Variants in TNR observed in about 807,000 individuals in gnomAD.
The protein encoded by TNR is tenascin R, also known as tenascin-R.
Under a neutral mutation model 150.4 loss-of-function variants are expected in TNR, and 45 were observed. That is an observed-to-expected ratio of 0.30 (90% CI 0.24 to 0.38). TNR has a LOEUF of 0.38. Ranked by LOEUF, TNR falls within the 10% of genes least tolerant of loss-of-function variation. The probability of loss-of-function intolerance (pLI) is 1.00; values close to 1 mark genes in which losing one functional copy is unlikely to be tolerated. For synonymous variants in TNR, 687 were observed against 678.4 expected (o/e 1.01, Z -0.20); for missense variants, 1,544 against 1,759.1 (o/e 0.88, Z 2.19).
intron 1 of TNR, among the ~76,000 whole-genome samples, chr1:175,731,737 G>C (rs946638079): frequency 6.6e-6 from 1 of 152,152 alleles, no homozygotes; most frequent in African/African-American, 2.4e-5. Context: ...TCCAAGACTG[G>C]CATGGGTTCT....
At chr1:175,673,222 C>T (rs1277292662) in intron 1 of TNR, among the ~76,000 whole-genome samples, 4 of 152,112 alleles carry the variant, frequency 2.6e-5, no homozygotes, top group Admixed American at 6.6e-5. Context: ...TTCTCAAGCC[C>T]GAGCCTGCAC....
At chr1:175,521,972 T>C (rs1659657293) in intron 2 of TNR, among the ~76,000 whole-genome samples, 1 of 152,250 alleles carries the variant, frequency 6.6e-6, no homozygotes, top group Non-Finnish European at 1.5e-5. Context: ...GCATGATACA[T>C]ACTTCTTTTG....
At chr1:175,739,283 TA>T (rs1667857338) in intron 1 of TNR, among the ~76,000 whole-genome samples, 1 of 152,204 alleles carries the variant, frequency 6.6e-6, no homozygotes, top group Non-Finnish European at 1.5e-5. Flanking sequence ...GGACACATTT[TA>T]AGCTCTACTA....
intron 1 of TNR, among the ~76,000 whole-genome samples, chr1:175,574,132 A>G (rs571491039): frequency 6.6e-5 from 10 of 152,190 alleles, no homozygotes; most frequent in Middle Eastern, 3.4e-3. Context: ...TCTGTCAGGG[A>G]TCCTAAACCT....
At chr1:175,727,298 C>T (rs772785704) in intron 1 of TNR, among the ~76,000 whole-genome samples, 43 of 152,204 alleles carry the variant, frequency 2.8e-4, no homozygotes, top group Non-Finnish European at 4.1e-4. Flanking sequence ...ATAGTAAGTA[C>T]GAATAATTGT....
At chr1:175,568,616 C>T (rs950710264) in intron 1 of TNR, among the ~76,000 whole-genome samples, 5 of 152,146 alleles carry the variant, frequency 3.3e-5, no homozygotes, top group African/African-American at 4.8e-5. Context: ...CCTGTTATCT[C>T]GTGTATCCAG....
chr1:175,659,309 C>T (rs1312453339), intron 1 of TNR, among the ~76,000 whole-genome samples: 2 of 152,224 alleles, frequency 1.3e-5, no homozygotes, highest in African/African-American at 2.4e-5. Flanking sequence ...AATAGATTCT[C>T]TTCAACCCAT....
chr1:175,483,709 C>T (rs1049928855), intron 2 of TNR, among the ~76,000 whole-genome samples: 4 of 152,194 alleles, frequency 2.6e-5, no homozygotes, highest in African/African-American at 7.2e-5. Context: ...GATGTCGGGC[C>T]TTGAAGGGCT....
chr1:175,420,987 G>A (rs146290044), intron 2 of TNR, among the ~76,000 whole-genome samples: 20 of 151,976 alleles, frequency 1.3e-4, no homozygotes, highest in African/African-American at 2.2e-4. Flanking sequence ...GGAAGAATAC[G>A]CTCTCTGAAT....
In TNR at chr1:175,581,562, G is replaced by C. The variant is rs2102228870; in HGVS notation, c.-164-53193C>G. Among the ~76,000 whole-genome samples, 3 of 152,276 alleles carry C rather than the reference G, an allele frequency of 2.0e-5. No homozygotes were observed. In the East Asian group the frequency reaches 5.8e-4, roughly 29 times the overall value. ...GCAAGGAACCCTCATGGCAGCATGG[G>C]GTGGTGCAGAGAAAATGTGGTGGGA... On this transcript the variant is annotated intron_variant, in intron 1 of 22. Transcript: ENST00000367674.
At chr1:175,632,607 T>TA (rs2101874478) in intron 1 of TNR, among the ~76,000 whole-genome samples, 1 of 152,338 alleles carries the variant, frequency 6.6e-6, no homozygotes, top group African/African-American at 2.4e-5. Context: ...AAGTATCTAA[T>TA]AATTTACAAT....
At chr1:175,429,718 C>T (rs1483134833) in intron 2 of TNR, among the ~76,000 whole-genome samples, 1 of 152,126 alleles carries the variant, frequency 6.6e-6, no homozygotes, top group Non-Finnish European at 1.5e-5. Context: ...GGTGGAGAAA[C>T]TGGGTAGGGT....
chr1:175,441,400 AT>A (rs1655783663), intron 2 of TNR, among the ~76,000 whole-genome samples: 1 of 152,212 alleles, frequency 6.6e-6, no homozygotes, highest in Non-Finnish European at 1.5e-5. Context: ...CAGTGTATGC[AT>A]ATAGTGTATT....
chr1:175,613,291 A>G (rs538383021), intron 1 of TNR, among the ~76,000 whole-genome samples: 3 of 152,276 alleles, frequency 2.0e-5, no homozygotes, highest in African/African-American at 7.2e-5. Flanking sequence ...TCCTTCCCAC[A>G]GTGCATCCTT....
chr1:175,703,451 G>A (rs1666757418), intron 1 of TNR, among the ~76,000 whole-genome samples: 1 of 152,110 alleles, frequency 6.6e-6, no homozygotes, highest in South Asian at 2.1e-4. Context: ...CAATGTTTAT[G>A]TTTCTATGAA....
intron 20 of TNR, among the ~76,000 whole-genome samples, chr1:175,331,026 TTTCTTTC>T (rs1649745502): frequency 1.5e-5 from 1 of 67,462 alleles, no homozygotes; most frequent in Non-Finnish European, 3.1e-5. Context: ...TCTTTCTTTC[TTTCTTTC>T]TTTCTTTCTT....
intron 1 of TNR, among the ~76,000 whole-genome samples, chr1:175,706,389 G>A (rs550555067): frequency 6.9e-4 from 105 of 152,126 alleles, no homozygotes; most frequent in African/African-American, 2.5e-3. Context: ...TTGGAGTATT[G>A]GGCACCACCC....
intron 1 of TNR, among the ~76,000 whole-genome samples, chr1:175,581,423 C>T (rs1424846977): frequency 3.9e-5 from 6 of 152,190 alleles, no homozygotes; most frequent in East Asian, 1.9e-4. Context: ...ATTCTATCTT[C>T]GGCAGCCATG....
chr1:175,548,359 C>T (rs906141664), intron 1 of TNR, among the ~76,000 whole-genome samples: 2 of 152,088 alleles, frequency 1.3e-5, no homozygotes, highest in African/African-American at 2.4e-5. Flanking sequence ...ACATGCCCTG[C>T]TGCTACTCTA....
Sources: allele counts gnomAD v4.1 joint callset (sites outside exome capture counted in the v4.1 genomes callset), GRCh38; gene constraint gnomAD v4.1.1; transcripts MANE v1.5; gene names NCBI Gene and HGNC (gene_info 2026-07-23, HGNC 2026-07-21).